Variants in WDR49 observed in about 807,000 individuals in gnomAD.
WDR49 encodes the protein WD repeat domain 49.
In WDR49, 107 loss-of-function variants were observed where a neutral mutation model predicts 119.5. The observed-to-expected ratio is 0.90, with a 90% CI of 0.77 to 1.05. WDR49 has a LOEUF of 1.05. Ranked by LOEUF, WDR49 falls within the 50% of genes least tolerant of loss-of-function variation. The pLI is 0.00. For missense variants in WDR49, 1,240 were observed against 1,220.5 expected (o/e 1.02, Z -0.24); for synonymous variants, 425 against 418.8 (o/e 1.01, Z -0.18).
intron 5 of WDR49, among the ~76,000 whole-genome samples, chr3:167,607,340 T>C (rs1467039274): frequency 6.6e-6 from 1 of 152,154 alleles, no homozygotes; most frequent in Non-Finnish European, 1.5e-5. Flanking sequence ...TTCCGAGGTT[T>C]TCATTTTGGG....
intron 18 of WDR49, among the ~76,000 whole-genome samples, chr3:167,488,145 AAC>A (rs57719248): frequency 0.1 from 13,972 of 136,014 alleles, 685 homozygotes; most frequent in South Asian, 0.15. Context: ...GATACACTCA[AAC>A]ACACACACAC....
chr3:167,619,024 G>A (rs545393211), intron 5 of WDR49, among the ~76,000 whole-genome samples: 43 of 152,224 alleles, frequency 2.8e-4, no homozygotes, highest in Non-Finnish European at 4.6e-4. Flanking sequence ...CATCGGAAAA[G>A]ACAATCACAA....
intron 7 of WDR49, among the ~76,000 whole-genome samples, chr3:167,600,799 A>T (rs1006416637): frequency 6.6e-6 from 1 of 152,258 alleles, no homozygotes; most frequent in Non-Finnish European, 1.5e-5. Context: ...TTGAAGGCAG[A>T]AGGAAGAGCA....
rs74591289 is a variant in WDR49, at chr3:167,547,435, G to A, written c.1823+7215C>T. On this transcript the variant is annotated intron_variant, in intron 10 of 18. Coordinates refer to ENST00000682715, the MANE Select transcript of WDR49 (RefSeq NM_001366157.1). ...GAAAAAAATCTTTTATGTGATAAAT[G>A]GCAGCTACATACAACCCACATCTAA... Among the ~76,000 whole-genome samples the A allele has an allele frequency of 2.1e-3, 315 of 151,486 alleles. 9 individuals are homozygous for A. In the East Asian group the frequency reaches 0.056, roughly 27 times the overall value.
At chr3:167,631,661 A>T (rs1331448744) in intron 2 of WDR49, among the ~76,000 whole-genome samples, 1 of 152,118 alleles carries the variant, frequency 6.6e-6, no homozygotes, top group Non-Finnish European at 1.5e-5. Flanking sequence ...AGCGAGAGTC[A>T]GGCCTGGAAG....
intron 8 of WDR49, among the ~76,000 whole-genome samples, chr3:167,573,896 G>A (rs760156425): frequency 1.1e-4 from 17 of 152,230 alleles, no homozygotes; most frequent in Admixed American, 4.6e-4. Flanking sequence ...AAAATGCACC[G>A]TGAGTGCTCA....
At chr3:167,594,531 C>T (rs1715308835) in intron 7 of WDR49, among the ~76,000 whole-genome samples, 1 of 152,124 alleles carries the variant, frequency 6.6e-6, no homozygotes, top group Admixed American at 6.5e-5. Flanking sequence ...TGAAAGCATA[C>T]AGTCATATTC....
intron 7 of WDR49, among the ~76,000 whole-genome samples, chr3:167,589,176 C>T (rs1440811382): frequency 6.6e-6 from 1 of 152,130 alleles, no homozygotes; most frequent in East Asian, 1.9e-4. Flanking sequence ...TTACCCAGCA[C>T]CATTTATTGA....
At chr3:167,536,730 T>C (rs1280301370) in intron 11 of WDR49, 140 bp downstream of exon 11, 2 of 210,900 alleles carry the variant, frequency 9.5e-6, no homozygotes, top group Admixed American at 6.6e-5. Flanking sequence ...TATATATATA[T>C]ATACACACAC....
rs376711357 is a variant in WDR49 at position 167,576,039 on chromosome 3, C to T, written c.1388G>A (p.Arg463Gln). The T allele has an allele frequency of 1.4e-5, 23 of 1,613,998 alleles. No individual in the cohort carries two copies. The highest frequency in any genetic ancestry group is 3.3e-5 in the South Asian group (3 of 91,080). ...CTGGTTATTAAACGAGATGAAAAGT[C>T]GTCCATGGGCTTCATCAAAGTGGAA... ...CLFHFDEAHG[R>Q]LFISFNNQLA... The change falls in exon 8 of 19, where the codon CGA (arginine) becomes CAA (glutamine). Residue 463 changes from arginine (R) to glutamine (Q), a missense_variant. Coordinates refer to ENST00000682715, the MANE Select transcript of WDR49 (RefSeq NM_001366157.1).
chr3:167,642,677 G>C (rs1362365030), intron 2 of WDR49, among the ~76,000 whole-genome samples: 1 of 151,934 alleles, frequency 6.6e-6, no homozygotes, highest in African/African-American at 2.4e-5. Context: ...CCCAGATCCT[G>C]TTATTCTCAA....
intron 18 of WDR49, among the ~76,000 whole-genome samples, chr3:167,481,644 A>G (rs571241871): frequency 4.6e-5 from 7 of 152,312 alleles, no homozygotes; most frequent in African/African-American, 1.4e-4. Flanking sequence ...AAAAGCTTTA[A>G]TTGGACTTAA....
chr3:167,529,316 G>A (rs924407319), intron 13 of WDR49, 77 bp from the exon 14 acceptor site: 6 of 1,346,530 alleles, frequency 4.5e-6, no homozygotes, highest in Admixed American at 5.0e-5. Context: ...GGCTTTCCCT[G>A]TGGAAAGCAT....
chr3:167,625,075 G>T (rs1397113696), intron 3 of WDR49, among the ~76,000 whole-genome samples: 1 of 152,006 alleles, frequency 6.6e-6, no homozygotes, highest in African/African-American at 2.4e-5. Flanking sequence ...ATAGATTAGG[G>T]CATAGGAAGC....
intron 16 of WDR49, among the ~76,000 whole-genome samples, chr3:167,516,698 G>A (rs138901009): frequency 1.8e-3 from 280 of 151,384 alleles, no homozygotes; most frequent in African/African-American, 6.5e-3. Flanking sequence ...ATGGTTGAAC[G>A]AGCCAAAATT....
chr3:167,522,007 TAG>T (rs761713525), intron 16 of WDR49, among the ~76,000 whole-genome samples: 3,025 of 148,830 alleles, frequency 0.02, 50 homozygotes, highest in Non-Finnish European at 0.03. Flanking sequence ...GATAGATAGA[TAG>T]ATAGATAGAT....
At chr3:167,551,091 A>AGAAAAATTCTCTAGATAT (rs1336893362) in intron 10 of WDR49, among the ~76,000 whole-genome samples, 1 of 152,054 alleles carries the variant, frequency 6.6e-6, no homozygotes, top group African/African-American at 2.4e-5. Context: ...TTTTACTGAC[A>AGAAAAATTCTCTAGATAT]GAAAAATTCT....
intron 18 of WDR49, among the ~76,000 whole-genome samples, chr3:167,495,737 T>C (rs1337215563): frequency 6.6e-6 from 1 of 151,816 alleles, no homozygotes; most frequent in Non-Finnish European, 1.5e-5. Flanking sequence ...AAACAGTACT[T>C]AGACTCATCA....
At chr3:167,609,077 G>C (rs1010836076) in intron 5 of WDR49, among the ~76,000 whole-genome samples, 3 of 152,106 alleles carry the variant, frequency 2.0e-5, no homozygotes, top group Non-Finnish European at 4.4e-5. Flanking sequence ...AGTGCACTTA[G>C]AGTAAGATAA....
Sources: allele counts gnomAD v4.1 joint callset (sites outside exome capture counted in the v4.1 genomes callset), GRCh38; gene constraint gnomAD v4.1.1; transcripts MANE v1.5; gene names NCBI Gene and HGNC (gene_info 2026-07-23, HGNC 2026-07-21).